The following PRMT7 variants were observed in gnomAD, a reference collection of about 807,000 sequenced individuals.
The protein encoded by PRMT7 is protein arginine methyltransferase 7.
PRMT7 carries 75 observed loss-of-function variants against 85.4 expected under a neutral mutation model. The observed-to-expected ratio is 0.88, with a 90% confidence interval of 0.73 to 1.06. PRMT7 has a LOEUF of 1.06. PRMT7 is among the 50% of genes least tolerant of loss of function. The probability of loss-of-function intolerance (pLI) is 0.00; values close to 1 mark genes in which losing one functional copy is unlikely to be tolerated. For synonymous variants in PRMT7, 397 were observed against 359.5 expected (o/e 1.10, Z -1.18); for missense variants, 868 against 915.2 (o/e 0.95, Z 0.67).
At chr16:68,333,295 C>CA (rs1363339182) in intron 6 of PRMT7, among the ~76,000 whole-genome samples, 3 of 151,974 alleles carry the variant, frequency 2.0e-5, no homozygotes, top group African/African-American at 7.3e-5. Context: ...CCAGCCTGAC[C>CA]AACTTGGAGA....
chr16:68,334,539 A>T (rs1431069587), intron 6 of PRMT7, among the ~76,000 whole-genome samples: 1 of 152,096 alleles, frequency 6.6e-6, no homozygotes, highest in Non-Finnish European at 1.5e-5. Context: ...AGCCCTTTTT[A>T]AAAGTGGCAT....
At chr16:68,323,593 T>G (rs1467001590) in intron 4 of PRMT7, 2 of 152,238 alleles carry the variant, frequency 1.3e-5, no homozygotes, top group Non-Finnish European at 2.9e-5. Context: ...CCTATCAGTT[T>G]AGAAGTGTGT....
intron 3 of PRMT7, among the ~76,000 whole-genome samples, chr16:68,320,618 A>C (rs2082375543): frequency 6.6e-6 from 1 of 152,190 alleles, no homozygotes; most frequent in Admixed American, 6.5e-5. Flanking sequence ...CAGTGTGGGC[A>C]TCATAGCCAT....
At position 68,339,910 on chromosome 16, in the gene PRMT7, G is replaced by T. The variant is rs2085259145; in HGVS notation, c.869G>T (p.Gly290Val). The change falls in exon 9 of 19, where the codon GGG becomes GTG. Residue 290 changes from glycine (G) to valine (V), a missense_variant. Gly to Val is a moderately radical substitution (Grantham distance 109). Coordinates refer to ENST00000441236, the MANE Select transcript of PRMT7 (RefSeq NM_019023.5). ...SWWDIEMDPE[G>V]KIKCTMAPFW... ...TGGGACATTGAAATGGACCCTGAGG[G>T]GAAGATCAAGTGCACCATGGCCCCC... The T allele has an allele frequency of 1.9e-6, 3 of 1,614,162 alleles. No homozygotes were observed. The highest frequency in any genetic ancestry group is 2.2e-5 in the South Asian group (2 of 91,074).
rs2088747731 is a variant in PRMT7, at chr16:68,357,236, C to T, written c.*12C>T. 6.2e-7 allele frequency: 1 copy of T among 1,602,136 alleles called. No individual in the cohort carries two copies. Among genetic ancestry groups the T allele is most frequent in the Admixed American group, 1.7e-5 (1 of 58,694 alleles). ...ATACCCCAGACTGACCACTCTTGAG[C>T]AATAAAGTGGCCTGAGGGCTGGGGT... is the stretch of plus-strand genomic sequence containing the variant. On this transcript the variant is annotated 3_prime_UTR_variant, in exon 19 of 19. Coordinates refer to ENST00000441236, the MANE Select transcript of PRMT7 (RefSeq NM_019023.5).
rs1308842989 is a variant in PRMT7, at chr16:68,312,024, T to A, written c.-218-18T>A. Reference sequence around the variant, plus strand: ...GAAGGTATTTAATAAATTTTGTTATTTTATTTTTTCGAGACAGAGTCTCAC... The same window carrying A: ...GAAGGTATTTAATAAATTTTGTTATATTATTTTTTCGAGACAGAGTCTCAC... On this transcript the variant is annotated intron_variant, in intron 1 of 18. Transcript: ENST00000441236. The A allele has an allele frequency of 6.6e-6, 1 of 151,888 alleles. No individual in the cohort carries two copies. Among genetic ancestry groups the A allele is most frequent in the Non-Finnish European group, 1.5e-5 (1 of 67,984 alleles). 9.4% of individuals were successfully genotyped at this position (151,888 alleles called of 1,614,324 possible). A position where few individuals can be genotyped will look rare whatever the true frequency, so the allele number is the denominator to read the frequency against.
chr16:68,346,202 C>T lies in PRMT7; in HGVS notation c.1113C>T (p.His371=), dbSNP rs920124602. 3 of 1,614,050 alleles carry T rather than the reference C, an allele frequency of 1.9e-6. No homozygotes were observed. The highest frequency in any genetic ancestry group is 2.5e-6 in the Non-Finnish European group (3 of 1,180,044). ...GCCCCGTGTGTGACTGCCAGGCTCACCTGCTCTGGAACCGGCCTCGGTTTG... is the reference window on the plus strand; with the variant it reads ...GCCCCGTGTGTGACTGCCAGGCTCATCTGCTCTGGAACCGGCCTCGGTTTG... The part of the protein sequence containing the change: ...QMRPVCDCQA[H]LLWNRPRFGE... Residue 371 remains histidine, a synonymous_variant, in exon 11 of 19, where the codon CAC becomes CAT. Transcript: ENST00000441236.
At position 68,328,982 on chromosome 16, in the gene PRMT7, A is replaced by G. The variant is rs904675925; in HGVS notation, c.283-84A>G. 5.5e-6 allele frequency: 5 copies of G among 903,946 alleles called. No individual in the cohort carries two copies. In the African/African-American group the frequency reaches 6.7e-5, roughly 12 times the overall value. The allele number at this position is 903,946 out of a possible 1,614,324, so 56.0% of individuals were successfully genotyped here. A position where few individuals can be genotyped will look rare whatever the true frequency, so the allele number is the denominator to read the frequency against. On this transcript the variant is annotated intron_variant, in intron 5 of 18. Transcript: ENST00000441236. ...AGTTACATATCTTAGGACCAGAATC[A>G]AGGAATAGCTTGCTCACCTTAAAGG...
At chr16:68,324,939 T>C (rs1170411233) in intron 5 of PRMT7, 107 bp downstream of exon 5, 16 of 1,436,978 alleles carry the variant, frequency 1.1e-5, no homozygotes, top group Admixed American at 2.1e-5. Flanking sequence ...GAGTGCTCAC[T>C]CTGTGCCAAG....
rs2151951781 is a variant in PRMT7 at position 68,357,140 on chromosome 16, A to G, written c.1995A>G (p.Pro665=). 2 of 1,613,998 alleles carry G rather than the reference A, an allele frequency of 1.2e-6. No individual in the cohort carries two copies. The highest frequency in any genetic ancestry group is 2.7e-5 in the African/African-American group (2 of 75,070). The change falls in exon 19 of 19, where the codon CCA becomes CCG. Residue 665 remains proline (P), a synonymous_variant. Transcript: ENST00000441236. ...APDPRALLGG[P]RTVSYAVEFH... ...ATCCCAGAGCACTGCTGGGTGGCCC[A>G]CGGACTGTCAGCTATGCAGTGGAGT...
intron 3 of PRMT7, among the ~76,000 whole-genome samples, chr16:68,319,712 G>GTGTGTGTGTGTGTA (rs1491206537): frequency 1.4e-4 from 2 of 14,034 alleles, no homozygotes; most frequent in Admixed American, 1.6e-3. Flanking sequence ...AAGAGTGAGA[G>GTGTGTGTGTGTGTA]TGTGTGTGTG....
intron 5 of PRMT7, among the ~76,000 whole-genome samples, chr16:68,326,209 A>G (rs1194726498): frequency 6.6e-6 from 1 of 152,198 alleles, no homozygotes; most frequent in Non-Finnish European, 1.5e-5. Context: ...TACTTTCCCT[A>G]CAAAATTGGG....
intron 11 of PRMT7, among the ~76,000 whole-genome samples, chr16:68,346,790 G>A (rs1392728116): frequency 6.6e-6 from 1 of 152,058 alleles, no homozygotes; most frequent in Non-Finnish European, 1.5e-5. Context: ...GGGATGGGGG[G>A]AGGATCCAAG....
Position 68,344,419 on chromosome 16 carries a change from C to A in PRMT7, c.928-1256C>A, listed in dbSNP as rs34598145. Among the ~76,000 whole-genome samples the A allele has an allele frequency of 1.4e-3, 220 of 152,260 alleles. 3 individuals carry two copies. Among genetic ancestry groups the A allele is most frequent in the African/African-American group, 5.0e-3 (208 of 41,546 alleles). ...CCTTTGTTTGGTCTCTCTCCAAACG[C>A]GTGGGTGTCATCGGTGCTCATCTCT... On this transcript the variant is annotated intron_variant, in intron 9 of 18. Transcript: ENST00000441236.
Position 68,355,878 on chromosome 16 carries a change from C to T in PRMT7, c.1806C>T (p.Leu602=), listed in dbSNP as rs750811141. 1.3e-6 allele frequency: 2 copies of T among 1,593,340 alleles called. No individual in the cohort carries two copies. The highest frequency in any genetic ancestry group is 1.1e-5 in the South Asian group (1 of 89,890). The change falls in exon 17 of 19, where the codon CTC becomes CTT. Residue 602 remains leucine (L), a synonymous_variant. Transcript: ENST00000441236. ...TGTGTGCCGAGGGCACCGTGGAGCT[C>T]AGAAGGTGGGTGCAGAGAGGGCTGG... The part of the protein sequence containing the change: ...QPLCAEGTVE[L]RRPGQSHAAV...
At chr16:68,344,828 G>A (rs758484364) in intron 9 of PRMT7, among the ~76,000 whole-genome samples, 1 of 151,608 alleles carries the variant, frequency 6.6e-6, no homozygotes, top group Non-Finnish European at 1.5e-5. Flanking sequence ...CACAGAATAA[G>A]TGAAAATGAA....
intron 14 of PRMT7, 123 bp downstream of exon 14, chr16:68,348,554 C>T (rs1388394722): frequency 1.3e-5 from 8 of 626,964 alleles, no homozygotes; most frequent in Non-Finnish European, 2.1e-5. Flanking sequence ...TGCAACCTTA[C>T]CTCCTACGAG....
intron 3 of PRMT7, 195 bp downstream of exon 3, chr16:68,316,269 G>C: frequency 1.8e-6 from 1 of 558,216 alleles, no homozygotes; most frequent in South Asian, 2.2e-5. Context: ...TGTTTGGAGA[G>C]TCAGACATTA....
Position 68,339,485 on chromosome 16 carries a change from C to T in PRMT7, c.668C>T (p.Pro223Leu). 5 of 1,614,154 alleles carry T rather than the reference C, an allele frequency of 3.1e-6. No homozygotes were observed. The highest frequency in any genetic ancestry group is 4.2e-6 in the Non-Finnish European group (5 of 1,180,038). The change falls in exon 8 of 19, where the codon CCC (proline) becomes CTC (leucine). Residue 223 changes from proline (P) to leucine (L), a missense_variant. Physicochemically the swap from Pro to Leu is moderately conservative, Grantham distance 98 (BLOSUM62 -3). Coordinates refer to ENST00000441236, the MANE Select transcript of PRMT7 (RefSeq NM_019023.5). ...PVDVESCPGA[P>L]SVCDIQLNQV... ...GACGTGGAGAGCTGCCCTGGCGCAC[C>T]CTCTGTCTGTGACATTCAGCTGAAC...
Sources: gnomAD v4.1 joint callset for allele counts (sites outside exome capture counted in the v4.1 genomes callset) on GRCh38, gnomAD v4.1.1 for gene constraint, MANE v1.5 for transcripts, NCBI Gene and HGNC (gene_info 2026-07-23, HGNC 2026-07-21) for gene names.